Variants in SLC26A5 observed in about 807,000 individuals in gnomAD.
SLC26A5 encodes prestin.
Under a neutral mutation model 81.0 loss-of-function variants are expected in SLC26A5, and 51 were observed. The ratio of observed to expected loss-of-function variants is 0.63; its 90% CI spans 0.50 to 0.80. The LOEUF (loss-of-function observed/expected upper bound fraction) is 0.80, where lower values mean the gene tolerates loss of function less well. Among genes scored for constraint, SLC26A5 ranks in the 30% least tolerant of loss-of-function variants. The probability of loss-of-function intolerance (pLI) is 0.00; values close to 1 mark genes in which losing one functional copy is unlikely to be tolerated. For missense variants in SLC26A5, 771 were observed against 905.8 expected (o/e 0.85, Z 1.91); for synonymous variants, 325 against 332.8 (o/e 0.98, Z 0.25).
In SLC26A5 at chr7:103,389,343, T is replaced by C. The variant is rs1822456686; in HGVS notation, c.1393A>G (p.Ser465Gly). The change falls in exon 13 of 20, where the codon AGC becomes GGC. Residue 465 changes from serine (S) to glycine (G), a missense_variant. Coordinates refer to ENST00000306312, the MANE Select transcript of SLC26A5 (RefSeq NM_198999.3). ...TTGTTACTTACCAGCTCTATTTTGC[T>C]GGTTCTCCAGAAAAAGGGGAGATCT... The part of the protein sequence containing the change: ...FSDLPFFWRT[S>G]KIELTIWLTT... 2 of 1,613,198 alleles carry C rather than the reference T, an allele frequency of 1.2e-6. No individual in the cohort carries two copies. The highest frequency in any genetic ancestry group is 1.7e-6 in the Non-Finnish European group (2 of 1,179,210).
intron 12 of SLC26A5, 64 bp from the exon 13 acceptor site, chr7:103,389,488 C>A: frequency 8.5e-7 from 1 of 1,178,230 alleles, no homozygotes; most frequent in South Asian, 1.2e-5. Context: ...TTGCTGGTTC[C>A]TCACTGTCCT....
chr7:103,353,995 T>C (rs1320018757), intron 19 of SLC26A5: 2 of 1,473,254 alleles, frequency 1.4e-6, no homozygotes, highest in African/African-American at 2.9e-5. Context: ...ATAGATGTTT[T>C]ATGTTGAAAT....
In SLC26A5 at chr7:103,388,619, C is replaced by T. The variant is rs180847777; in HGVS notation, c.1514+389G>A. The T allele has an allele frequency of 6.1e-5, 21 of 346,516 alleles. No individual in the cohort carries two copies. In the East Asian group the frequency reaches 1.2e-3, roughly 20 times the overall value. The allele number at this position is 346,516 out of a possible 1,614,324, so 21.5% of individuals were successfully genotyped here. ...GAAATGACAGTGGAAGGAATGCATA[C>T]GATAACTTGGTGTCAGAGTTTGCTT... On this transcript the variant is annotated intron_variant, in intron 14 of 19. Coordinates refer to ENST00000306312, the MANE Select transcript of SLC26A5 (RefSeq NM_198999.3).
At chr7:103,359,172 A>ATTTTTTTTTTTTTTTTTTTTTTTT (rs1586155184) in intron 19 of SLC26A5, among the ~76,000 whole-genome samples, 2 of 58,386 alleles carry the variant, frequency 3.4e-5, no homozygotes, top group Non-Finnish European at 6.4e-5. Flanking sequence ...TTTTTTTTTA[A>ATTTTTTTTTTTTTTTTTTTTTTTT]TTTTTAGTAG....
At chr7:103,396,101 TCA>T (rs1823090473) in intron 9 of SLC26A5, among the ~76,000 whole-genome samples, 1 of 152,168 alleles carries the variant, frequency 6.6e-6, no homozygotes, top group Non-Finnish European at 1.5e-5. Context: ...CTGCTTAAGA[TCA>T]CACAGCTAGT....
intron 18 of SLC26A5, among the ~76,000 whole-genome samples, chr7:103,377,381 C>T (rs1209569947): frequency 1.3e-5 from 2 of 152,058 alleles, no homozygotes; most frequent in Admixed American, 1.3e-4. Flanking sequence ...ATAAAGGAAA[C>T]CAGATTGACC....
intron 19 of SLC26A5, chr7:103,353,829 T>A: frequency 9.1e-7 from 1 of 1,094,112 alleles, no homozygotes; most frequent in Non-Finnish European, 1.3e-6. Flanking sequence ...TAAAACAATT[T>A]GAATCGAACA....
Position 103,407,911 on chromosome 7 carries a change from C to G in SLC26A5, c.828G>C (p.Lys276Asn). ...TCTCTTTAAATCTCTCATTAAACTCCTTGCCACCCAACAGCAAACCAAAAA... is the reference window on the plus strand; with the variant it reads ...TCTCTTTAAATCTCTCATTAAACTCGTTGCCACCCAACAGCAAACCAAAAA... Reference protein sequence around the residue: ...LMVFGLLLGGKEFNERFKEKL... With the variant: ...LMVFGLLLGGNEFNERFKEKL... The change falls in exon 8 of 20, where the codon AAG becomes AAC. Residue 276 changes from lysine (K) to asparagine (N), a missense_variant. Physicochemically the swap from Lys to Asn is moderately conservative, Grantham distance 94. Coordinates refer to ENST00000306312, the MANE Select transcript of SLC26A5 (RefSeq NM_198999.3). The G allele has an allele frequency of 6.2e-7, 1 of 1,614,206 alleles. No individual in the cohort carries two copies.
intron 19 of SLC26A5, chr7:103,364,375 T>C (rs1820577914): frequency 6.4e-7 from 1 of 1,559,554 alleles, no homozygotes; most frequent in African/African-American, 1.4e-5. Context: ...AAATTAAAAA[T>C]GGCACTTCTG....
At chr7:103,361,583 A>G (rs968732257) in intron 19 of SLC26A5, among the ~76,000 whole-genome samples, 15 of 151,662 alleles carry the variant, frequency 9.9e-5, no homozygotes, top group Non-Finnish European at 1.5e-4. Context: ...AAACCCATTT[A>G]TTACTGAATT....
chr7:103,367,737 C>T lies in SLC26A5; in HGVS notation c.2041+9071G>A. On this transcript the variant is annotated intron_variant, in intron 19 of 19. Transcript: ENST00000339444. This position sits in a 1 kb window ranked among gnomAD's most constrained non-coding sequence, Gnocchi z 6.1. ...GGGTCGGACCCACATATTTAAGATT[C>T]ACGCTCGTTCAATGAGTGTTGAAAG... 6.2e-7 allele frequency: 1 copy of T among 1,613,752 alleles called. No homozygotes were observed. The highest frequency in any genetic ancestry group is 8.5e-7 in the Non-Finnish European group (1 of 1,179,870).
At chr7:103,374,761 G>A (rs1223046256) in intron 19 of SLC26A5, among the ~76,000 whole-genome samples, 169 bp from the exon 20 acceptor site, 1 of 147,808 alleles carries the variant, frequency 6.8e-6, no homozygotes, top group Non-Finnish European at 1.5e-5. Flanking sequence ...GAGTAGTGGT[G>A]TGATCTCAGC....
chr7:103,367,749 A>G lies in SLC26A5; in HGVS notation c.2041+9059T>C, dbSNP rs773539785. ...CATATTTAAGATTCACGCTCGTTCA[A>G]TGAGTGTTGAAAGAGATATCAGATT... On this transcript the variant is annotated intron_variant, in intron 19 of 19. Coordinates refer to the SLC26A5 transcript ENST00000339444. The surrounding 1 kb of genome is among the most constrained non-coding windows in gnomAD (Gnocchi z 6.1). 15 of 1,614,008 alleles carry G rather than the reference A, an allele frequency of 9.3e-6. No individual in the cohort carries two copies. The highest frequency in any genetic ancestry group is 1.3e-5 in the African/African-American group (1 of 75,018).
intron 19 of SLC26A5, among the ~76,000 whole-genome samples, chr7:103,376,225 G>A (rs139613070): frequency 0.017 from 2,588 of 151,794 alleles, 70 homozygotes; most frequent in African/African-American, 0.06. Context: ...ACAGGCATGC[G>A]CCACCATGTC....
intron 2 of SLC26A5, among the ~76,000 whole-genome samples, chr7:103,442,041 A>G (rs965846378): frequency 2.0e-5 from 3 of 152,206 alleles, no homozygotes; most frequent in African/African-American, 7.2e-5. Flanking sequence ...GTGATTCTCA[A>G]TCCTGACTGG....
intron 19 of SLC26A5, chr7:103,355,613 T>C: frequency 2.0e-6 from 2 of 1,018,278 alleles, no homozygotes; most frequent in South Asian, 1.4e-5. Context: ...GTGCAAAATA[T>C]CAGTAGTGCT....
chr7:103,361,510 C>CAAAAAAAAAAAA (rs759044767), intron 19 of SLC26A5, among the ~76,000 whole-genome samples: 1 of 51,096 alleles, frequency 2.0e-5, no homozygotes, highest in Non-Finnish European at 4.1e-5. Context: ...AACTCCATCT[C>CAAAAAAAAAAAA]AAAAAAAAAA....
chr7:103,371,356 G>A (rs941725880), downstream of SLC26A5, among the ~76,000 whole-genome samples: 5 of 145,158 alleles, frequency 3.4e-5, no homozygotes, highest in East Asian at 2.0e-4. Flanking sequence ...ACGGAGTCTC[G>A]CTCTGTCGCC....
At chr7:103,417,231 G>A (rs959499422) in intron 4 of SLC26A5, among the ~76,000 whole-genome samples, 4 of 151,816 alleles carry the variant, frequency 2.6e-5, no homozygotes, top group African/African-American at 7.3e-5. Flanking sequence ...TTAGCTGGGC[G>A]TGGTGGCACG....
Sources: gnomAD v4.1 joint callset for allele counts (sites outside exome capture counted in the v4.1 genomes callset) on GRCh38, gnomAD v4.1.1 for gene constraint, Gnocchi (gnomAD v3.1) non-coding constraint, MANE v1.5 for transcripts, NCBI Gene and HGNC (gene_info 2026-07-23, HGNC 2026-07-21) for gene names.